Variants in A1CF observed in about 807,000 individuals in gnomAD.
A1CF encodes APOBEC-1 stimulating protein.
In A1CF, 48 loss-of-function variants were observed where a neutral mutation model predicts 68.9. That is an observed-to-expected ratio of 0.70 (90% CI 0.55 to 0.89). The LOEUF is 0.89. A1CF is among the 40% of genes least tolerant of loss of function. A1CF has a pLI of 0.00. For synonymous variants in A1CF, 272 were observed against 260.4 expected (o/e 1.04, Z -0.43); for missense variants, 653 against 718.9 (o/e 0.91, Z 1.05).
intron 1 of A1CF, among the ~76,000 whole-genome samples, chr10:50,866,612 A>T (rs1841002531): frequency 6.6e-6 from 1 of 152,202 alleles, no homozygotes; most frequent in Admixed American, 6.5e-5. Context: ...ACTTTTCTAA[A>T]TCTAGACCTG....
intron 1 of A1CF, among the ~76,000 whole-genome samples, chr10:50,882,083 T>A: frequency 6.6e-6 from 1 of 152,164 alleles, no homozygotes. Context: ...ATTGCATCAA[T>A]CAAAAATATT....
At chr10:50,840,989 C>G (rs1589006208) in intron 5 of A1CF, among the ~76,000 whole-genome samples, 1 of 152,190 alleles carries the variant, frequency 6.6e-6, no homozygotes, top group East Asian at 1.9e-4. Context: ...ATCTTGTCCA[C>G]CATGGACCCC....
At chr10:50,859,758 C>T in intron 3 of A1CF, 84 bp downstream of exon 3, 1 of 1,181,776 alleles carries the variant, frequency 8.5e-7, no homozygotes, top group Non-Finnish European at 1.2e-6. Flanking sequence ...ACTGACCATT[C>T]CCATTTTGCA....
chr10:50,858,511 C>A (rs934137434), intron 3 of A1CF, among the ~76,000 whole-genome samples: 1 of 152,006 alleles, frequency 6.6e-6, no homozygotes, highest in Non-Finnish European at 1.5e-5. Context: ...CAGATTTATA[C>A]ATATTTCTAT....
Position 50,850,943 on chromosome 10 carries a change from A to G in A1CF, c.100-6821T>C, listed in dbSNP as rs958769255. ...ACTTACAATTTGCCTTTTTGAATTA[A>G]CTATTATTATGGCCGCTAGATCTGA... On this transcript the variant is annotated intron_variant, in intron 3 of 12. Coordinates refer to ENST00000373997, the MANE Select transcript of A1CF (RefSeq NM_014576.4). 6.4e-6 allele frequency: 6 copies of G among 943,860 alleles called. No homozygotes were observed. In the Admixed American group the frequency reaches 8.8e-5, roughly 14 times the overall value. The allele number at this position is 943,860 out of a possible 1,614,324, so 58.5% of individuals were successfully genotyped here.
At chr10:50,879,951 G>T (rs1468624382) in intron 1 of A1CF, among the ~76,000 whole-genome samples, 1 of 152,144 alleles carries the variant, frequency 6.6e-6, no homozygotes, top group Non-Finnish European at 1.5e-5. Context: ...AGTGAAGGGA[G>T]TATTCCTGTT....
intron 3 of A1CF, among the ~76,000 whole-genome samples, chr10:50,847,930 A>G (rs1269688264): frequency 6.6e-6 from 1 of 152,200 alleles, no homozygotes; most frequent in Non-Finnish European, 1.5e-5. Context: ...CTCCACATCT[A>G]AAGTTTCTGT....
At chr10:50,863,185 G>T (rs773314423) in intron 2 of A1CF, among the ~76,000 whole-genome samples, 1 of 152,166 alleles carries the variant, frequency 6.6e-6, no homozygotes, top group Admixed American at 6.5e-5. Context: ...TTCAAAATTT[G>T]TCATGAGAAA....
chr10:50,877,430 T>C (rs1841564017), intron 1 of A1CF, among the ~76,000 whole-genome samples: 1 of 152,208 alleles, frequency 6.6e-6, no homozygotes, highest in Non-Finnish European at 1.5e-5. Context: ...GAAATTTAAG[T>C]TGAAAACTCA....
intron 4 of A1CF, among the ~76,000 whole-genome samples, chr10:50,843,576 T>C (rs544448359): frequency 1.3e-5 from 2 of 152,346 alleles, no homozygotes; most frequent in Admixed American, 1.3e-4. Context: ...TAGATACATG[T>C]TGAGCCTTGT....
At chr10:50,836,539 T>A (rs80216192) in intron 5 of A1CF, among the ~76,000 whole-genome samples, 34 of 152,300 alleles carry the variant, frequency 2.2e-4, no homozygotes, top group African/African-American at 7.9e-4. Flanking sequence ...GCATCTGCTT[T>A]CTTTTTTTAT....
chr10:50,841,061 T>C lies in A1CF; in HGVS notation c.365+801A>G, dbSNP rs184632297. 2.6e-3 allele frequency among the ~76,000 whole-genome samples: 400 copies of C among 152,314 alleles called. 1 individual carries two copies. Among genetic ancestry groups the C allele is most frequent in the Non-Finnish European group, 3.9e-3 (265 of 68,028 alleles). On this transcript the variant is annotated intron_variant, in intron 5 of 12. Coordinates refer to ENST00000373997, the MANE Select transcript of A1CF (RefSeq NM_014576.4). ...ACAACTGCAGCAGCCTTCTAACTGG[T>C]GTCCTCTTTCAAACCTCACCTGCTA...
At chr10:50,835,815 A>C (rs1382527165) in intron 6 of A1CF, among the ~76,000 whole-genome samples, 1 of 152,220 alleles carries the variant, frequency 6.6e-6, no homozygotes, top group African/African-American at 2.4e-5. Flanking sequence ...CTCTTTATTC[A>C]TCAAAGGATT....
At chr10:50,831,747 C>T (rs931463428) in intron 6 of A1CF, among the ~76,000 whole-genome samples, 1 of 152,080 alleles carries the variant, frequency 6.6e-6, no homozygotes, top group Admixed American at 6.6e-5. Context: ...AAAACAAAAA[C>T]AGGGCAATGG....
chr10:50,885,235 C>G (rs1370687247), intron 1 of A1CF, among the ~76,000 whole-genome samples: 1 of 152,076 alleles, frequency 6.6e-6, no homozygotes, highest in Non-Finnish European at 1.5e-5. Context: ...TTTTGTTTCT[C>G]AGGGTCCTAG....
intron 1 of A1CF, among the ~76,000 whole-genome samples, chr10:50,883,044 T>A (rs1294015360): frequency 2.0e-5 from 3 of 152,176 alleles, no homozygotes; most frequent in Admixed American, 2.0e-4. Context: ...ACTAAAAAAA[T>A]TTACAGACTG....
chr10:50,856,233 T>A (rs1298159428), intron 3 of A1CF, among the ~76,000 whole-genome samples: 1 of 152,070 alleles, frequency 6.6e-6, no homozygotes, highest in Non-Finnish European at 1.5e-5. Flanking sequence ...TTTTTAAAGA[T>A]CATACAACTC....
Position 50,820,609 on chromosome 10 carries a change from A to G in A1CF, c.810T>C (p.Phe270=). Residue 270 remains phenylalanine, a synonymous_variant, in exon 8 of 13, where the codon TTT becomes TTC. Coordinates refer to ENST00000373997, the MANE Select transcript of A1CF (RefSeq NM_014576.4). ...CATCTTCTCGGTTACTGAAGTGCAC[A>G]AAAGCATAGTCTCGAATTTTCTTCA... ...ERVKKIRDYA[F]VHFSNREDAV... is the part of the protein sequence containing the mutation. 1 of 1,613,656 alleles carries G rather than the reference A, an allele frequency of 6.2e-7. No individual in the cohort carries two copies. The highest frequency in any genetic ancestry group is 8.5e-7 in the Non-Finnish European group (1 of 1,179,778).
intron 7 of A1CF, among the ~76,000 whole-genome samples, chr10:50,821,359 C>T (rs7082868): frequency 0.027 from 4,047 of 152,228 alleles, 197 homozygotes; most frequent in African/African-American, 0.091. Context: ...TACAGAAACA[C>T]TCACACACAT....
Sources: allele counts gnomAD v4.1 joint callset (sites outside exome capture counted in the v4.1 genomes callset), GRCh38; gene constraint gnomAD v4.1.1; transcripts MANE v1.5; gene names NCBI Gene and HGNC (gene_info 2026-07-23, HGNC 2026-07-21).